Variants in PABIR2 observed in about 807,000 individuals in gnomAD.
The protein encoded by PABIR2 is PABIR family member 2.
Under a neutral mutation model 22.8 loss-of-function variants are expected in PABIR2, and 7 were observed. The ratio of observed to expected loss-of-function variants is 0.31; its 90% CI spans 0.17 to 0.58. The LOEUF (loss-of-function observed/expected upper bound fraction) is 0.58. Ranked by LOEUF, PABIR2 falls within the 20% of genes least tolerant of loss-of-function variation. The probability of loss-of-function intolerance (pLI) is 0.89; values close to 1 mark genes in which losing one functional copy is unlikely to be tolerated. For missense variants in PABIR2, 155 were observed against 205.1 expected, an observed-to-expected ratio of 0.76 and a Z score of 1.49; for synonymous variants, 67 against 73.8, an observed-to-expected ratio of 0.91 and a Z score of 0.47.
At chrX:134,790,386 C>T (rs1043048838) in intron 2 of PABIR2, among the ~76,000 whole-genome samples, 5 of 112,172 alleles carry the variant, frequency 4.5e-5, no homozygotes, top group Non-Finnish European at 9.4e-5. Flanking sequence ...ATAATATAAA[C>T]GACTACTATT....
intron 7 of PABIR2, 96 bp from the exon 8 acceptor site, chrX:134,786,046 A>C (rs1047062927): frequency 1.3e-6 from 1 of 777,332 alleles, no homozygotes; most frequent in Non-Finnish European, 1.9e-6. Flanking sequence ...AAAATGGACA[A>C]TCTTATCAAT....
Position 134,782,181 on chromosome X carries a change from C to T in PABIR2, c.563-264G>A, listed in dbSNP as rs149511692. On this transcript the variant is annotated intron_variant, in intron 8 of 9. Coordinates refer to ENST00000343004, the MANE Select transcript of PABIR2 (RefSeq NM_001387468.1). ...CATTAATAGGAAAGTAGAACACTGA[C>T]TGCATCAGGCAAAATGAAGCAAGGC... Among the ~76,000 whole-genome samples, 272 of 112,197 alleles carry T rather than the reference C, an allele frequency of 2.4e-3. 1 individual carries two copies. Among genetic ancestry groups the T allele is most frequent in the African/African-American group, 8.2e-3 (253 of 30,983 alleles).
chrX:134,788,556 TAAG>T (rs1441172823), intron 6 of PABIR2, among the ~76,000 whole-genome samples, 171 bp downstream of exon 6: 1 of 106,736 alleles, frequency 9.4e-6, no homozygotes, highest in Non-Finnish European at 1.9e-5. Context: ...ATATATATTT[TAAG>T]AAGACCAAGA....
rs1298886888 is a variant in PABIR2 at position 134,771,229 on chromosome X, C to T, written c.*910G>A. On this transcript the variant is annotated 3_prime_UTR_variant, in exon 10 of 10. Transcript: ENST00000343004. ...GCACCTGAGGCCTCATAATACCACT[C>T]GAGACACTGACAGCTCCATGGACGC... The T allele has an allele frequency of 1.8e-6, 2 of 1,092,783 alleles. No homozygotes were observed. The highest frequency in any genetic ancestry group is 3.4e-5 in the East Asian group (1 of 29,169). The allele number at this position is 1,092,783 out of a possible 1,213,427, so 90.1% of individuals were successfully genotyped here. A position where few individuals can be genotyped will look rare whatever the true frequency, so the allele number is the denominator to read the frequency against.
At chrX:134,782,627 C>G (rs188034355) in intron 8 of PABIR2, among the ~76,000 whole-genome samples, 10 of 111,825 alleles carry the variant, frequency 8.9e-5, no homozygotes, top group Admixed American at 1.9e-4. Flanking sequence ...AAATCAGGCT[C>G]TGATTTTATT....
At chrX:134,772,807 T>A (rs548907437) in intron 9 of PABIR2, among the ~76,000 whole-genome samples, 9 of 111,834 alleles carry the variant, frequency 8.0e-5, no homozygotes, top group African/African-American at 2.9e-4. Flanking sequence ...TTTAAATGAT[T>A]TCCCCCTCCA....
At chrX:134,782,916 G>C (rs945356787) in intron 8 of PABIR2, among the ~76,000 whole-genome samples, 1 of 112,055 alleles carries the variant, frequency 8.9e-6, no homozygotes, top group African/African-American at 3.2e-5. Context: ...TTAATATGCA[G>C]CTTTTAAAAG....
chrX:134,779,811 T>C (rs946338798), intron 9 of PABIR2, among the ~76,000 whole-genome samples: 3 of 112,595 alleles, frequency 2.7e-5, no homozygotes, highest in African/African-American at 9.7e-5. Context: ...GCAAACCTAT[T>C]TATAGCCATG....
At chrX:134,788,439 T>C (rs1164703667) in intron 6 of PABIR2, among the ~76,000 whole-genome samples, 3 of 103,502 alleles carry the variant, frequency 2.9e-5, no homozygotes, top group Non-Finnish European at 5.8e-5. Context: ...ATATACACGT[T>C]ATATATGTGT....
At chrX:134,794,823 A>AAT (rs2079676839) in intron 1 of PABIR2, among the ~76,000 whole-genome samples, 2 of 111,957 alleles carry the variant, frequency 1.8e-5, no homozygotes, top group African/African-American at 6.5e-5. Context: ...CAAAGAGAGA[A>AAT]CAGCCTCAGA....
Position 134,793,858 on chromosome X carries a change from C to G in PABIR2, c.134G>C (p.Arg45Thr), listed in dbSNP as rs1447757681. 2 of 1,210,736 alleles carry G rather than the reference C, an allele frequency of 1.7e-6. No homozygotes were observed. Among genetic ancestry groups the G allele is most frequent in the East Asian group, 5.9e-5 (2 of 33,855 alleles). Residue 45 changes from arginine (R) to threonine (T), a missense_variant, in exon 2 of 10, where the codon AGA (arginine) becomes ACA (threonine). By Grantham distance (71) the Arg-to-Thr change is moderately conservative (BLOSUM62 -1). Coordinates refer to ENST00000343004, the MANE Select transcript of PABIR2 (RefSeq NM_001387468.1). ...LSQVFQPYTL[R>T]TRRNSTTIMS... ...AATTGTTGTACTATTCCTCCGAGTT[C>G]TAAGTGTGTAAGGTTGGAAAACCTG...
intron 9 of PABIR2, among the ~76,000 whole-genome samples, chrX:134,779,568 TTAGGTTG>T (rs753935419): frequency 2.3e-4 from 26 of 111,889 alleles, no homozygotes; most frequent in Non-Finnish European, 3.8e-4. Context: ...TAGAGATGGT[TTAGGTTG>T]TGCTGCTCGG....
chrX:134,787,885 G>A lies in PABIR2; in HGVS notation c.436-352C>T, dbSNP rs1364259473. 2.8e-5 allele frequency among the ~76,000 whole-genome samples: 3 copies of A among 106,737 alleles called. No individual in the cohort carries two copies. The East Asian group carries it at 8.7e-4, about 31-fold the overall frequency. The allele number at this position is 106,737 out of a possible 115,157, so 92.7% of individuals were successfully genotyped here. On this transcript the variant is annotated intron_variant, in intron 6 of 9. Transcript: ENST00000343004. ...GAGCTCAAGTGATCCTCCCACCTTG[G>A]CCTCCCAAAGAGTTGGAATGATTAC...
chrX:134,784,037 C>T (rs1306086527), intron 8 of PABIR2, among the ~76,000 whole-genome samples: 2 of 101,297 alleles, frequency 2.0e-5, no homozygotes, highest in South Asian at 9.1e-4. Context: ...GCTGAGATTG[C>T]ACCACTGCAC....
Position 134,770,089 on chromosome X carries a change from G to T in PABIR2, c.*2050C>A, listed in dbSNP as rs1389352637. On this transcript the variant is annotated 3_prime_UTR_variant, in exon 10 of 10. Coordinates refer to ENST00000343004, the MANE Select transcript of PABIR2 (RefSeq NM_001387468.1). ...TTAATGTAAATACCATCATATTTCA[G>T]TTATTTCTTAACAGTGTTAAGTTCG... is the stretch of plus-strand genomic sequence containing the variant. 8.9e-6 allele frequency: 1 copy of T among 112,182 alleles called. No homozygotes were observed. The highest frequency in any genetic ancestry group is 9.5e-5 in the Admixed American group (1 of 10,481). 9.2% of individuals were successfully genotyped at this position (112,182 alleles called of 1,213,427 possible). A position where few individuals can be genotyped will look rare whatever the true frequency, so the allele number is the denominator to read the frequency against.
intron 2 of PABIR2, chrX:134,793,545 G>T: frequency 2.3e-6 from 1 of 431,362 alleles, no homozygotes; most frequent in Non-Finnish European, 4.2e-6. Context: ...AGTTAATCCT[G>T]ACTTACCTCA....
intron 2 of PABIR2, among the ~76,000 whole-genome samples, chrX:134,791,438 T>G (rs1190549103): frequency 1.8e-5 from 2 of 108,298 alleles, no homozygotes; most frequent in Non-Finnish European, 3.8e-5. Flanking sequence ...AGATTATGCT[T>G]TGAAAGAACT....
chrX:134,778,390 G>A (rs1399555724), intron 9 of PABIR2, among the ~76,000 whole-genome samples: 10 of 104,074 alleles, frequency 9.6e-5, no homozygotes, highest in Non-Finnish European at 2.0e-4. Flanking sequence ...TGTAATCCCA[G>A]CTACTCGAGA....
At chrX:134,785,331 T>C (rs977867304) in intron 8 of PABIR2, among the ~76,000 whole-genome samples, 1 of 111,810 alleles carries the variant, frequency 8.9e-6, no homozygotes, top group Admixed American at 9.5e-5. Flanking sequence ...CTTATCTTTT[T>C]CTTTTTCCCC....
Sources: allele counts gnomAD v4.1 joint callset (sites outside exome capture counted in the v4.1 genomes callset), GRCh38; gene constraint gnomAD v4.1.1; transcripts MANE v1.5; gene names NCBI Gene and HGNC (gene_info 2026-07-23, HGNC 2026-07-21).